ABR: variants seen among roughly 807,000 people sequenced by gnomAD.
ABR encodes active breakpoint cluster region-related protein.
In ABR, 35 loss-of-function variants were observed where a neutral mutation model predicts 107.2. The observed-to-expected ratio is 0.33, with a 90% CI of 0.25 to 0.43. The LOEUF (loss-of-function observed/expected upper bound fraction) is 0.43. Ranked by LOEUF, ABR falls within the 20% of genes least tolerant of loss-of-function variation. The probability of loss-of-function intolerance (pLI) is 1.00; values close to 1 mark genes in which losing one functional copy is unlikely to be tolerated. For missense variants in ABR, 815 were observed against 1,115.2 expected, an observed-to-expected ratio of 0.73 and a Z score of 3.83; for synonymous variants, 498 against 462.0, an observed-to-expected ratio of 1.08 and a Z score of -1.00.
Position 1,050,158 on chromosome 17 carries a change from G to A in ABR, c.1683C>T (p.Gly561=). 1 of 1,613,772 alleles carries A rather than the reference G, an allele frequency of 6.2e-7. No homozygotes were observed. The highest frequency in any genetic ancestry group is 8.5e-7 in the Non-Finnish European group (1 of 1,179,970). ...AGCACAGGATCCTCAGGGACTGGGA[G>A]CCCTCCAGCTCGATCTCAAACTCCT... ...WDEEFEIELE[G]SQSLRILCYE... The change falls in exon 16 of 23, where the codon GGC becomes GGT. Residue 561 remains glycine (G), a synonymous_variant. Coordinates refer to ENST00000302538, the MANE Select transcript of ABR (RefSeq NM_021962.5). This position sits in a 1 kb window ranked among gnomAD's most constrained non-coding sequence, Gnocchi z 4.6.
intron 4 of ABR, among the ~76,000 whole-genome samples, chr17:1,087,400 G>A (rs1175634991): frequency 6.6e-6 from 1 of 152,218 alleles, no homozygotes; most frequent in Non-Finnish European, 1.5e-5. Context: ...GAAGCTGGTG[G>A]GGCAGGGGAG....
chr17:1,125,496 GGCGGGGGCTGT>G, intron 1 of ABR, 129 bp from the exon 2 acceptor site: 1 of 989,864 alleles, frequency 1.0e-6, no homozygotes, highest in Non-Finnish European at 1.4e-6. Flanking sequence ...GCCTGGCCCG[GGCGGGGGCTGT>G]GCGGGGGCCT....
chr17:1,074,990 T>G (rs2035582177), intron 6 of ABR, among the ~76,000 whole-genome samples: 1 of 151,968 alleles, frequency 6.6e-6, no homozygotes, highest in African/African-American at 2.4e-5. Context: ...CGTGGCAGCC[T>G]GAGGGGCAAA....
At position 1,083,625 on chromosome 17, in the gene ABR, G is replaced by A; in HGVS notation, c.534C>T (p.Ala178=). ...ACGCTTTGTACACACCGAGCTGGCTGGCCTGCAGGGAGGAGTCAGGGAACA... is the reference window on the plus strand; with the variant it reads ...ACGCTTTGTACACACCGAGCTGGCTAGCCTGCAGGGAGGAGTCAGGGAACA... ...VTMGHLFQKL[A]SQLGVYKAFV... is the part of the protein sequence containing the mutation. The change falls in exon 5 of 23, where the codon GCC becomes GCT. Residue 178 remains alanine (A), a splice_region_variant and synonymous_variant. Coordinates refer to ENST00000302538, the MANE Select transcript of ABR (RefSeq NM_021962.5). 2 of 1,613,752 alleles carry A rather than the reference G, an allele frequency of 1.2e-6. No individual in the cohort carries two copies. The highest frequency in any genetic ancestry group is 1.3e-5 in the African/African-American group (1 of 75,014).
rs1598069116 is a variant in ABR at position 1,179,843 on chromosome 17, C to T, written c.-116G>A. 1 of 1,088,018 alleles carries T rather than the reference C, an allele frequency of 9.2e-7. No individual in the cohort carries two copies. Among genetic ancestry groups the T allele is most frequent in the East Asian group, 3.3e-5 (1 of 30,330 alleles). 67.4% of individuals were successfully genotyped at this position (1,088,018 alleles called of 1,614,324 possible). ...TGCGAGCGCGGAGGGGCGAGGAGGC[C>T]GGGAACCAGGTCCCCGGGAGGAGCG... On this transcript the variant is annotated 5_prime_UTR_variant, in exon 1 of 23. Transcript: ENST00000302538. The surrounding 1 kb of genome is among the most constrained non-coding windows in gnomAD (Gnocchi z 4.9).
chr17:1,102,004 A>G (rs1002429557), intron 2 of ABR, among the ~76,000 whole-genome samples: 12 of 152,110 alleles, frequency 7.9e-5, no homozygotes, highest in Admixed American at 2.6e-4. Flanking sequence ...AAGTGCTGGG[A>G]TTACAGGTGT....
intron 1 of ABR, among the ~76,000 whole-genome samples, chr17:1,221,103 G>A (rs2043112938): frequency 6.6e-6 from 1 of 152,218 alleles, no homozygotes; most frequent in Admixed American, 6.5e-5. Context: ...TGGAGTCGTT[G>A]GAAAAGGCTG....
intron 3 of ABR, 30 bp downstream of exon 3, chr17:1,100,606 CG>C: frequency 6.2e-7 from 1 of 1,601,696 alleles, no homozygotes; most frequent in Non-Finnish European, 8.6e-7. Flanking sequence ...GCGGGGGGAC[CG>C]GAAGGCCCCA....
intron 3 of ABR, among the ~76,000 whole-genome samples, chr17:1,094,370 ATTTT>A (rs541367607): frequency 1.4e-5 from 2 of 139,922 alleles, no homozygotes; most frequent in Admixed American, 7.2e-5. Context: ...CCAGACTGCA[ATTTT>A]TTTTTTTTTT....
At chr17:1,073,363 G>A (rs962420173) in intron 7 of ABR, among the ~76,000 whole-genome samples, 1 of 152,078 alleles carries the variant, frequency 6.6e-6, no homozygotes, top group African/African-American at 2.4e-5. Context: ...AAGGACACTG[G>A]AGACCAGGAG....
intron 14 of ABR, among the ~76,000 whole-genome samples, chr17:1,052,092 A>C (rs1156885455): frequency 6.6e-6 from 1 of 151,766 alleles, no homozygotes; most frequent in African/African-American, 2.4e-5. Context: ...AAACCAAAAA[A>C]ACCAGCTTTC....
rs75192292 is a variant in ABR at position 1,202,643 on chromosome 17, A to C, written c.838+26150T>G. ...GAGCTGGCAGCAAATGTTGCATGAAATGAAGACCCTGTTAGGAAAGGGAAG... is the reference window on the plus strand; with the variant it reads ...GAGCTGGCAGCAAATGTTGCATGAACTGAAGACCCTGTTAGGAAAGGGAAG... On this transcript the variant is annotated intron_variant, in intron 1 of 22. Coordinates refer to the ABR transcript ENST00000574139. Among the ~76,000 whole-genome samples the C allele has an allele frequency of 1.4e-3, 211 of 152,260 alleles. 1 individual carries two copies. The highest frequency in any genetic ancestry group is 2.0e-3 in the Non-Finnish European group (135 of 68,024).
At chr17:1,143,836 C>T (rs559366424) in intron 1 of ABR, among the ~76,000 whole-genome samples, 20 of 152,180 alleles carry the variant, frequency 1.3e-4, no homozygotes, top group African/African-American at 4.8e-4. Flanking sequence ...GGCCAGCAGC[C>T]CTGGGCAGAG....
At chr17:1,113,278 AT>A (rs33922708) in intron 2 of ABR, among the ~76,000 whole-genome samples, 1,111 of 103,870 alleles carry the variant, frequency 0.011, 7 homozygotes, top group African/African-American at 0.035. Context: ...ACCTATTGCG[AT>A]TTTTTTTTTT....
intron 16 of ABR, among the ~76,000 whole-genome samples, chr17:1,047,253 A>T (rs1466857602): frequency 1.3e-5 from 2 of 152,226 alleles, no homozygotes; most frequent in African/African-American, 2.4e-5. Flanking sequence ...GGGCAGAAAG[A>T]CTGCATTCCA....
Position 1,210,602 on chromosome 17 carries a change from T to A in ABR, c.838+18191A>T, listed in dbSNP as rs1232861251. Among the ~76,000 whole-genome samples, 1 of 152,214 alleles carries A rather than the reference T, an allele frequency of 6.6e-6. No individual in the cohort carries two copies. The highest frequency in any genetic ancestry group is 6.5e-5 in the Admixed American group (1 of 15,276). ...CAGCTTCTCTGCACTATCGTCCAGG[T>A]GTCACTCAGCTTTCTGCTATTGTGT... is the stretch of plus-strand genomic sequence containing the variant. On this transcript the variant is annotated intron_variant, in intron 1 of 22. Coordinates refer to the ABR transcript ENST00000574139. This position sits in a 1 kb window ranked among gnomAD's most constrained non-coding sequence, Gnocchi z 5.6.
rs939886980 is a variant in ABR at position 1,078,205 on chromosome 17, G to A, written c.700+1125C>T. On this transcript the variant is annotated intron_variant, in intron 6 of 22. Transcript: ENST00000302538. This position sits in a 1 kb window ranked among gnomAD's most constrained non-coding sequence, Gnocchi z 7.5. ...CCTGCCTTCCACAGTTGAGGGCCCA[G>A]ACCTCGGCTGGGGGTCTCTCACGGC... is the stretch of plus-strand genomic sequence containing the variant. Among the ~76,000 whole-genome samples the A allele has an allele frequency of 6.6e-6, 1 of 151,898 alleles. No homozygotes were observed. The highest frequency in any genetic ancestry group is 1.5e-5 in the Non-Finnish European group (1 of 67,968).
At chr17:1,152,818 G>T (rs550914852) in intron 1 of ABR, among the ~76,000 whole-genome samples, 131 of 152,206 alleles carry the variant, frequency 8.6e-4, no homozygotes, top group African/African-American at 3.1e-3. Flanking sequence ...CACAGGCCGG[G>T]CGCGGTGGGT....
intron 1 of ABR, among the ~76,000 whole-genome samples, chr17:1,137,248 T>C (rs2151486361): frequency 1.3e-5 from 2 of 152,232 alleles, no homozygotes; most frequent in Middle Eastern, 6.8e-3. Context: ...TTCACCATGT[T>C]GGCCAGGCTG....
Sources: allele counts gnomAD v4.1 joint callset (sites outside exome capture counted in the v4.1 genomes callset), GRCh38; gene constraint gnomAD v4.1.1; non-coding constraint Gnocchi (gnomAD v3.1); transcripts MANE v1.5; gene names NCBI Gene and HGNC (gene_info 2026-07-23, HGNC 2026-07-21).